GPR157: variants seen among roughly 807,000 people sequenced by gnomAD.
GPR157 encodes G-protein coupled receptor 157.
GPR157 carries 16 observed loss-of-function variants against 23.5 expected under a neutral mutation model. That is an observed-to-expected ratio of 0.68 (90% CI 0.46 to 1.04). The LOEUF is 1.04. Among genes scored for constraint, GPR157 ranks in the 50% least tolerant of loss-of-function variants. GPR157 has a pLI of 0.00. For missense variants in GPR157, 440 were observed against 460.7 expected (o/e 0.96, Z 0.41); for synonymous variants, 200 against 221.5 (o/e 0.90, Z 0.86).
Position 9,118,428 on chromosome 1 carries a change from G to A in GPR157, c.384-6939C>T, listed in dbSNP as rs1038079397. On this transcript the variant is annotated intron_variant, in intron 1 of 3. Transcript: ENST00000377411. This position sits in a 1 kb window ranked among gnomAD's most constrained non-coding sequence, Gnocchi z 4.6. ...GAGGCCAAGCTGAGCCTGCCTGGAC[G>A]GAGGAAGCCCGGGACAGCCACCTCG... Among the ~76,000 whole-genome samples the A allele has an allele frequency of 5.9e-5, 9 of 152,132 alleles. No homozygotes were observed. Among genetic ancestry groups the A allele is most frequent in the African/African-American group, 9.7e-5 (4 of 41,428 alleles).
rs1639011613 is a variant in GPR157, at chr1:9,128,408, C to T, written c.383+237G>A. 5 of 695,682 alleles carry T rather than the reference C, an allele frequency of 7.2e-6. No homozygotes were observed. Among genetic ancestry groups the T allele is most frequent in the South Asian group, 3.0e-5 (2 of 66,496 alleles). The allele number at this position is 695,682 out of a possible 1,614,324, so 43.1% of individuals were successfully genotyped here. ...CGGCTCTGGGGGCGAACTCTGTCCC[C>T]ACTACCCCAAGGGGCTGTGCCCTGG... On this transcript the variant is annotated intron_variant, in intron 1 of 3. Coordinates refer to ENST00000377411, the MANE Select transcript of GPR157 (RefSeq NM_024980.5). This position sits in a 1 kb window ranked among gnomAD's most constrained non-coding sequence, Gnocchi z 6.3.
At position 9,128,870 on chromosome 1, in the gene GPR157, A is replaced by G. The variant is rs1190493422; in HGVS notation, c.158T>C (p.Leu53Pro). Residue 53 changes from leucine to proline, a missense_variant, in exon 1 of 4, where the codon CTG becomes CCG. Physicochemically the swap from Leu to Pro is moderately conservative, Grantham distance 98. Transcript: ENST00000377411. The surrounding 1 kb of genome is among the most constrained non-coding windows in gnomAD (Gnocchi z 6.3). Reference sequence around the variant, plus strand: ...GGCCGAGAGCAGGTCGGCCAGCGACAGGAAGAGCAGCAGGCGCCGTGCCCG... The same window carrying G: ...GGCCGAGAGCAGGTCGGCCAGCGACGGGAAGAGCAGCAGGCGCCGTGCCCG... ...RSRARRLLLF[L>P]SLADLLSAAS... is the part of the protein sequence containing the mutation. The G allele has an allele frequency of 6.3e-7, 1 of 1,575,360 alleles. No homozygotes were observed. Among genetic ancestry groups the G allele is most frequent in the Admixed American group, 1.9e-5 (1 of 53,936 alleles).
At position 9,103,000 on chromosome 1, in the gene GPR157, ATCCCTGGGC is replaced by A. The variant is rs886647641; in HGVS notation, c.*1410_*1418del. Reference sequence around the variant, plus strand: ...CCATCCCAGTTCAATGAAGCCTCAAATCCCTGGGCTCAAGGGATCCTCCCGTCTCAGCCT... The same window carrying A: ...CCATCCCAGTTCAATGAAGCCTCAAATCAAGGGATCCTCCCGTCTCAGCCT... On this transcript the variant is annotated 3_prime_UTR_variant, in exon 4 of 4. Transcript: ENST00000377411. 4.0e-5 allele frequency: 6 copies of A among 148,664 alleles called. No homozygotes were observed. The highest frequency in any genetic ancestry group is 1.2e-4 in the African/African-American group (5 of 40,264). The allele number at this position is 148,664 out of a possible 1,614,324, so 9.2% of individuals were successfully genotyped here. A position where few individuals can be genotyped will look rare whatever the true frequency, so the allele number is the denominator to read the frequency against.
chr1:9,105,004 C>CT lies in GPR157; in HGVS notation c.793-371_793-370insA, dbSNP rs924676769. ...GACAAAGCCAGACTCTGTCCCCGCA[C>CT]CCCCCCCCAAAAAAGAGAAATGGCT... On this transcript the variant is annotated intron_variant, in intron 3 of 3. Coordinates refer to ENST00000377411, the MANE Select transcript of GPR157 (RefSeq NM_024980.5). This position sits in a 1 kb window ranked among gnomAD's most constrained non-coding sequence, Gnocchi z 4.8. Among the ~76,000 whole-genome samples the CT allele has an allele frequency of 2.9e-5, 1 of 34,432 alleles. No individual in the cohort carries two copies. Among genetic ancestry groups the CT allele is most frequent in the Non-Finnish European group, 7.2e-5 (1 of 13,952 alleles). The allele number at this position is 34,432 out of a possible 152,430, so 22.6% of individuals were successfully genotyped here. A position where few individuals can be genotyped will look rare whatever the true frequency, so the allele number is the denominator to read the frequency against.
At chr1:9,127,848 A>T (rs772170375) in intron 1 of GPR157, among the ~76,000 whole-genome samples, 1 of 152,208 alleles carries the variant, frequency 6.6e-6, no homozygotes, top group Non-Finnish European at 1.5e-5. Flanking sequence ...CCCTCAGTTC[A>T]GCACAGCACA....
Position 9,105,737 on chromosome 1 carries a change from A to G in GPR157, c.598-57T>C. 6.8e-6 allele frequency: 10 copies of G among 1,475,908 alleles called. No homozygotes were observed. Among genetic ancestry groups the G allele is most frequent in the Non-Finnish European group, 9.2e-6 (10 of 1,087,488 alleles). The allele number at this position is 1,475,908 out of a possible 1,614,324, so 91.4% of individuals were successfully genotyped here. ...GGATAGGCACCCTCCCGCCACGTCC[A>G]CCCAGGCTGCCCAGGTCTTCCCAGG... On this transcript the variant is annotated intron_variant, in intron 2 of 3. Transcript: ENST00000377411. The surrounding 1 kb of genome is among the most constrained non-coding windows in gnomAD (Gnocchi z 4.8).
In GPR157 at chr1:9,111,260, T is replaced by C. The variant is rs779335188; in HGVS notation, c.597+16A>G. The C allele has an allele frequency of 1.2e-6, 2 of 1,613,422 alleles. No individual in the cohort carries two copies. The highest frequency in any genetic ancestry group is 1.7e-6 in the Non-Finnish European group (2 of 1,179,484). On this transcript the variant is annotated intron_variant, in intron 2 of 3. Transcript: ENST00000377411. ...CGGCCATGCAGAGGGCCCTGAGCTC[T>C]AAGGGCAGCGCCTACCGCTCTGTTG... is the stretch of plus-strand genomic sequence containing the variant.
At chr1:9,112,633 A>G (rs1217307186) in intron 1 of GPR157, among the ~76,000 whole-genome samples, 2 of 152,120 alleles carry the variant, frequency 1.3e-5, no homozygotes, top group Non-Finnish European at 2.9e-5. Flanking sequence ...TTGTATTTCT[A>G]GTAGAGACAG....
chr1:9,122,469 T>C (rs1050214185), intron 1 of GPR157, among the ~76,000 whole-genome samples: 14 of 152,216 alleles, frequency 9.2e-5, no homozygotes, highest in African/African-American at 3.4e-4. Flanking sequence ...AAGACACTTC[T>C]TAACTACAAA....
chr1:9,107,120 G>A (rs1018359725), intron 2 of GPR157, among the ~76,000 whole-genome samples: 2 of 152,014 alleles, frequency 1.3e-5, no homozygotes, highest in Non-Finnish European at 2.9e-5. Flanking sequence ...TGGGCTTATT[G>A]CTTATCATCG....
In GPR157 at chr1:9,107,401, G is replaced by A. The variant is rs536600312; in HGVS notation, c.598-1721C>T. The stretch of plus-strand genomic sequence containing the variant: ...TGCCTGAAATTGCAGCACTTTGGGA[G>A]GTCAAGGCAGGAGGATCGCTTGAGC... On this transcript the variant is annotated intron_variant, in intron 2 of 3. Transcript: ENST00000377411. Among the ~76,000 whole-genome samples, 8 of 152,328 alleles carry A rather than the reference G, an allele frequency of 5.3e-5. No homozygotes were observed. In the East Asian group the frequency reaches 1.4e-3, roughly 26 times the overall value.
intron 1 of GPR157, 76 bp from the exon 2 acceptor site, chr1:9,111,565 G>A (rs1638498284): frequency 1.6e-5 from 19 of 1,203,420 alleles, no homozygotes; most frequent in Middle Eastern, 2.1e-4. Flanking sequence ...CAAAAATGAC[G>A]GAGGACGCCC....
chr1:9,122,387 A>G (rs1557700162), intron 1 of GPR157, among the ~76,000 whole-genome samples: 1 of 152,222 alleles, frequency 6.6e-6, no homozygotes, highest in Non-Finnish European at 1.5e-5. Context: ...TGCTGTCAGA[A>G]TCAGTGGACA....
In GPR157 at chr1:9,118,129, G is replaced by C. The variant is rs1445147668; in HGVS notation, c.384-6640C>G. Among the ~76,000 whole-genome samples, 1 of 152,228 alleles carries C rather than the reference G, an allele frequency of 6.6e-6. No individual in the cohort carries two copies. The highest frequency in any genetic ancestry group is 1.9e-4 in the East Asian group (1 of 5,194). On this transcript the variant is annotated intron_variant, in intron 1 of 3. Transcript: ENST00000377411. The surrounding 1 kb of genome is among the most constrained non-coding windows in gnomAD (Gnocchi z 4.6). Reference sequence around the variant, plus strand: ...CCAGGTCACCTGAGGAGCATGTAAAGAGACGCTGGGCCTTGAGCTATCCTC... The same window carrying C: ...CCAGGTCACCTGAGGAGCATGTAAACAGACGCTGGGCCTTGAGCTATCCTC...
intron 1 of GPR157, among the ~76,000 whole-genome samples, chr1:9,123,788 TTAA>T (rs1375890108): frequency 1.5e-5 from 2 of 130,478 alleles, no homozygotes; most frequent in African/African-American, 5.6e-5. Context: ...AAATATATAT[TTAA>T]TATTATATAT....
chr1:9,108,149 G>A (rs1638388806), intron 2 of GPR157, among the ~76,000 whole-genome samples: 1 of 152,166 alleles, frequency 6.6e-6, no homozygotes, highest in Non-Finnish European at 1.5e-5. Flanking sequence ...GCCCAGGGGA[G>A]GGGAGACGCC....
intron 1 of GPR157, among the ~76,000 whole-genome samples, chr1:9,126,206 C>T (rs1427035136): frequency 6.6e-6 from 1 of 152,232 alleles, no homozygotes; most frequent in Non-Finnish European, 1.5e-5. Context: ...GATCCGCCCA[C>T]CTTGGCCTCC....
Position 9,105,579 on chromosome 1 carries a change from G to T in GPR157, c.699C>A (p.Ile233=), listed in dbSNP as rs2124506707. 1 of 1,610,278 alleles carries T rather than the reference G, an allele frequency of 6.2e-7. No individual in the cohort carries two copies. The highest frequency in any genetic ancestry group is 8.5e-7 in the Non-Finnish European group (1 of 1,178,840). Residue 233 remains isoleucine, a synonymous_variant, in exon 3 of 4, where the codon ATC becomes ATA. Transcript: ENST00000377411. This position sits in a 1 kb window ranked among gnomAD's most constrained non-coding sequence, Gnocchi z 4.8. ...TGCTCCAGACCCTGAGGCCGATGAA[G>T]ATGAGCGGGATGAGCACCAGCTTCT... ...ADKKLVLIPL[I]FIGLRVWSTV...
chr1:9,105,029 TGAG>T lies in GPR157; in HGVS notation c.793-398_793-396del, dbSNP rs1638255870. On this transcript the variant is annotated intron_variant, in intron 3 of 3. Coordinates refer to ENST00000377411, the MANE Select transcript of GPR157 (RefSeq NM_024980.5). The surrounding 1 kb of genome is among the most constrained non-coding windows in gnomAD (Gnocchi z 4.8). ...CCCCCCCCCAAAAAAGAGAAATGGC[TGAG>T]AAACACACACACACACACACACACA... 5.9e-5 allele frequency among the ~76,000 whole-genome samples: 5 copies of T among 84,978 alleles called. No homozygotes were observed. The highest frequency in any genetic ancestry group is 1.1e-4 in the Non-Finnish European group (5 of 46,792). The allele number at this position is 84,978 out of a possible 152,430, so 55.7% of individuals were successfully genotyped here.
Sources: allele counts gnomAD v4.1 joint callset (sites outside exome capture counted in the v4.1 genomes callset), GRCh38; gene constraint gnomAD v4.1.1; non-coding constraint Gnocchi (gnomAD v3.1); transcripts MANE v1.5; gene names NCBI Gene and HGNC (gene_info 2026-07-23, HGNC 2026-07-21).